USP15: variants seen among roughly 807,000 people sequenced by gnomAD.
USP15 encodes ubiquitin specific peptidase 15.
A neutral mutation model predicts 127.1 loss-of-function variants in USP15; 18 were observed. That is an observed-to-expected ratio of 0.14 (90% CI 0.10 to 0.21). The LOEUF (loss-of-function observed/expected upper bound fraction) is 0.21. USP15 is among the 10% of genes least tolerant of loss of function. USP15 has a pLI of 1.00. For synonymous variants in USP15, 364 were observed against 393.7 expected (o/e 0.92, Z 0.89); for missense variants, 805 against 1,159.9 (o/e 0.69, Z 4.44).
chr12:62,403,103 G>T (rs1198352282), intron 21 of USP15, among the ~76,000 whole-genome samples: 1 of 152,098 alleles, frequency 6.6e-6, no homozygotes, highest in Admixed American at 6.6e-5. Context: ...AGTTTGAGAT[G>T]CCTGTATGAT....
At chr12:62,262,928 AAAC>A (rs1238488591) in intron 1 of USP15, among the ~76,000 whole-genome samples, 1 of 152,222 alleles carries the variant, frequency 6.6e-6, no homozygotes, top group African/African-American at 2.4e-5. Context: ...TAAAGGAAAA[AAAC>A]TGCAAGAGAA....
intron 1 of USP15, among the ~76,000 whole-genome samples, chr12:62,280,945 C>T (rs1286974100): frequency 6.6e-6 from 1 of 152,148 alleles, no homozygotes; most frequent in African/African-American, 2.4e-5. Flanking sequence ...ATCCTAATGA[C>T]TTTAAGTCCA....
intron 1 of USP15, among the ~76,000 whole-genome samples, chr12:62,270,501 C>A (rs1355628628): frequency 6.6e-6 from 1 of 152,072 alleles, no homozygotes; most frequent in African/African-American, 2.4e-5. Flanking sequence ...CTGGCTCTTA[C>A]ATTTAAGTCT....
chr12:62,403,932 CAGTT>C (rs1488548884), intron 21 of USP15, among the ~76,000 whole-genome samples: 4 of 151,944 alleles, frequency 2.6e-5, no homozygotes, highest in African/African-American at 9.7e-5. Flanking sequence ...TTGTGTATCA[CAGTT>C]AGAACTGTGA....
At chr12:62,309,802 A>C (rs890844050) in intron 3 of USP15, among the ~76,000 whole-genome samples, 1 of 151,970 alleles carries the variant, frequency 6.6e-6, no homozygotes, top group Non-Finnish European at 1.5e-5. Flanking sequence ...CAATAGAGAT[A>C]CAAAGAACAT....
At chr12:62,357,147 G>A (rs2066157014) in intron 8 of USP15, among the ~76,000 whole-genome samples, 1 of 151,960 alleles carries the variant, frequency 6.6e-6, no homozygotes, top group African/African-American at 2.4e-5. Flanking sequence ...AATCTGTCAG[G>A]AGAGCACAAG....
intron 21 of USP15, among the ~76,000 whole-genome samples, chr12:62,403,479 C>G (rs2067760415): frequency 6.6e-6 from 1 of 152,034 alleles, no homozygotes; most frequent in African/African-American, 2.4e-5. Flanking sequence ...TCACCCATTT[C>G]AGTTGTTTAT....
chr12:62,349,209 A>G lies in USP15; in HGVS notation c.684-12A>G. ...TTTTTTTATCTAATTTAACATTTTC[A>G]TATTTTTAAAGGTCCCCAGGTGCAT... On this transcript the variant is annotated splice_polypyrimidine_tract_variant and intron_variant, in intron 6 of 21. Coordinates refer to ENST00000280377, the MANE Select transcript of USP15 (RefSeq NM_001252078.2). 5 of 1,412,252 alleles carry G rather than the reference A, an allele frequency of 3.5e-6. No homozygotes were observed. The highest frequency in any genetic ancestry group is 1.5e-5 in the South Asian group (1 of 66,418). 87.5% of individuals were successfully genotyped at this position (1,412,252 alleles called of 1,614,324 possible).
chr12:62,357,625 C>T (rs549562096), intron 8 of USP15, among the ~76,000 whole-genome samples: 1 of 152,052 alleles, frequency 6.6e-6, no homozygotes, highest in East Asian at 1.9e-4. Context: ...ATCATTATAG[C>T]TTTATTTAGT....
At chr12:62,401,070 C>A in intron 20 of USP15, 117 bp from the exon 21 acceptor site, 2 of 535,318 alleles carry the variant, frequency 3.7e-6, no homozygotes, top group Non-Finnish European at 6.3e-6. Flanking sequence ...ATAAATAAGC[C>A]TCATAGATGA....
At chr12:62,291,457 C>G (rs905252868) in intron 1 of USP15, among the ~76,000 whole-genome samples, 1 of 152,098 alleles carries the variant, frequency 6.6e-6, no homozygotes, top group Non-Finnish European at 1.5e-5. Flanking sequence ...TTCACATTTT[C>G]CATGAATCTC....
intron 3 of USP15, among the ~76,000 whole-genome samples, chr12:62,310,373 C>T (rs549089215): frequency 2.3e-4 from 35 of 151,910 alleles, no homozygotes; most frequent in Non-Finnish European, 4.6e-4. Context: ...TCCCTTCATC[C>T]TTCCCTGCTC....
chr12:62,363,574 C>A (rs769166485), intron 8 of USP15, among the ~76,000 whole-genome samples: 3 of 152,062 alleles, frequency 2.0e-5, no homozygotes, highest in African/African-American at 7.2e-5. Flanking sequence ...TAATGACTGC[C>A]CCACATTCCA....
chr12:62,319,485 A>G (rs1279012279), intron 4 of USP15, among the ~76,000 whole-genome samples: 2 of 152,196 alleles, frequency 1.3e-5, no homozygotes, highest in Non-Finnish European at 2.9e-5. Flanking sequence ...TTTTGCTCAG[A>G]TTAAAATATA....
chr12:62,281,601 A>G (rs1347204950), intron 1 of USP15, among the ~76,000 whole-genome samples: 1 of 152,212 alleles, frequency 6.6e-6, no homozygotes, highest in Non-Finnish European at 1.5e-5. Flanking sequence ...GGCCTCCCAC[A>G]GTGCTGGGAT....
At position 62,404,571 on chromosome 12, in the gene USP15, T is replaced by A; in HGVS notation, c.*196T>A. On this transcript the variant is annotated 3_prime_UTR_variant, in exon 22 of 22. Transcript: ENST00000280377. The stretch of plus-strand genomic sequence containing the variant: ...GAAAACTTTAACAGAAATTGTCTCT[T>A]AATACATTTACAGTCTTGTATTTAC... 1 of 621,586 alleles carries A rather than the reference T, an allele frequency of 1.6e-6. No individual in the cohort carries two copies. The highest frequency in any genetic ancestry group is 2.3e-6 in the Non-Finnish European group (1 of 427,950). 38.5% of individuals were successfully genotyped at this position (621,586 alleles called of 1,614,324 possible). A position where few individuals can be genotyped will look rare whatever the true frequency, so the allele number is the denominator to read the frequency against.
In USP15 at chr12:62,271,264, A is replaced by C. The variant is rs2063339731; in HGVS notation, c.89+10761A>C. On this transcript the variant is annotated intron_variant, in intron 1 of 21. Coordinates refer to ENST00000280377, the MANE Select transcript of USP15 (RefSeq NM_001252078.2). ...AAAACATTCAAAATTATTTATGAAT[A>C]ATTATTTATGAGTCTTTGTGGAAAT... Among the ~76,000 whole-genome samples the C allele has an allele frequency of 2.0e-5, 3 of 152,068 alleles. No homozygotes were observed. In the South Asian group the frequency reaches 6.2e-4, roughly 31 times the overall value.
In USP15 at chr12:62,406,528, C is replaced by T. The variant is rs1481331436; in HGVS notation, c.*2153C>T. Reference sequence around the variant, plus strand: ...TCAGAGACCACTTTCTTTTTAATGCCTGTCATTAACTTCTGTTCCCACTAA... The same window carrying T: ...TCAGAGACCACTTTCTTTTTAATGCTTGTCATTAACTTCTGTTCCCACTAA... On this transcript the variant is annotated 3_prime_UTR_variant, in exon 22 of 22. Coordinates refer to ENST00000280377, the MANE Select transcript of USP15 (RefSeq NM_001252078.2). The T allele has an allele frequency of 6.6e-6, 1 of 152,136 alleles. No homozygotes were observed. The highest frequency in any genetic ancestry group is 1.5e-5 in the Non-Finnish European group (1 of 68,022). The allele number at this position is 152,136 out of a possible 1,614,324, so 9.4% of individuals were successfully genotyped here.
At chr12:62,319,572 C>T (rs1443547532) in intron 4 of USP15, among the ~76,000 whole-genome samples, 1 of 152,172 alleles carries the variant, frequency 6.6e-6, no homozygotes, top group Non-Finnish European at 1.5e-5. Flanking sequence ...CTCACTTATT[C>T]TACTTCAGCC....
Sources: allele counts gnomAD v4.1 joint callset (sites outside exome capture counted in the v4.1 genomes callset), GRCh38; gene constraint gnomAD v4.1.1; transcripts MANE v1.5; gene names NCBI Gene and HGNC (gene_info 2026-07-23, HGNC 2026-07-21).